The following JPH1 variants were observed in gnomAD, a reference collection of about 807,000 sequenced individuals.
The protein encoded by JPH1 is junctophilin-1.
In JPH1, 12 loss-of-function variants were observed where a neutral mutation model predicts 53.6. The observed-to-expected ratio is 0.22, with a 90% CI of 0.14 to 0.36. The LOEUF (loss-of-function observed/expected upper bound fraction) is 0.36, where lower values mean the gene tolerates loss of function less well. Among genes scored for constraint, JPH1 ranks in the 10% least tolerant of loss-of-function variants. The pLI, the probability that JPH1 is intolerant of heterozygous loss-of-function variation, is 1.00. For missense variants in JPH1, 808 were observed against 905.5 expected, an observed-to-expected ratio of 0.89 and a Z score of 1.38; for synonymous variants, 375 against 363.8, an observed-to-expected ratio of 1.03 and a Z score of -0.35.
intron 2 of JPH1, among the ~76,000 whole-genome samples, chr8:74,278,979 G>GCA (rs1563408615): frequency 3.8e-5 from 5 of 131,574 alleles, no homozygotes; most frequent in African/African-American, 1.5e-4. Context: ...AAACACACAC[G>GCA]CACACGCGCG....
intron 2 of JPH1, among the ~76,000 whole-genome samples, chr8:74,307,802 A>G (rs1326620943): frequency 6.6e-6 from 1 of 152,236 alleles, no homozygotes; most frequent in African/African-American, 2.4e-5. Flanking sequence ...GCTTATAAAC[A>G]GCTTTGACTT....
At chr8:74,244,137 T>G (rs1805779538) in intron 4 of JPH1, among the ~76,000 whole-genome samples, 1 of 152,186 alleles carries the variant, frequency 6.6e-6, no homozygotes, top group African/African-American at 2.4e-5. Flanking sequence ...GTTGGTGCCC[T>G]TTTCCTAGAG....
intron 2 of JPH1, among the ~76,000 whole-genome samples, chr8:74,310,639 A>C (rs1398629540): frequency 2.6e-5 from 4 of 152,316 alleles, no homozygotes; most frequent in African/African-American, 9.6e-5. Context: ...GGGGAGCAAC[A>C]CAACTCCCTC....
intron 2 of JPH1, among the ~76,000 whole-genome samples, chr8:74,279,320 G>A (rs1806942397): frequency 6.6e-6 from 1 of 152,210 alleles, no homozygotes; most frequent in Non-Finnish European, 1.5e-5. Flanking sequence ...CTAGGCTTAA[G>A]GTTTGAAAAT....
At chr8:74,293,140 T>C (rs1345487480) in intron 2 of JPH1, among the ~76,000 whole-genome samples, 1 of 152,162 alleles carries the variant, frequency 6.6e-6, no homozygotes, top group African/African-American at 2.4e-5. Flanking sequence ...TGTACAGCTA[T>C]CTTTCTCAGA....
At chr8:74,275,622 C>T (rs374443201) in intron 2 of JPH1, among the ~76,000 whole-genome samples, 2 of 152,130 alleles carry the variant, frequency 1.3e-5, no homozygotes, top group Non-Finnish European at 2.9e-5. Flanking sequence ...GCTCTTTCAC[C>T]GTAACTATGC....
chr8:74,274,675 A>G (rs182948674), intron 2 of JPH1, among the ~76,000 whole-genome samples: 6 of 152,332 alleles, frequency 3.9e-5, no homozygotes, highest in Admixed American at 3.3e-4. Flanking sequence ...ATTACATAAA[A>G]TGTACAAAAC....
intron 2 of JPH1, among the ~76,000 whole-genome samples, chr8:74,262,322 C>T (rs886619281): frequency 1.3e-5 from 2 of 152,200 alleles, no homozygotes; most frequent in African/African-American, 4.8e-5. Context: ...TTAGTGAATT[C>T]ATGTGATCAC....
At chr8:74,239,750 T>C (rs967905637) in intron 4 of JPH1, among the ~76,000 whole-genome samples, 1 of 152,194 alleles carries the variant, frequency 6.6e-6, no homozygotes, top group Admixed American at 6.5e-5. Context: ...GAATACAAAA[T>C]TCTAAAATGC....
intron 2 of JPH1, among the ~76,000 whole-genome samples, chr8:74,291,901 T>C (rs1807338261): frequency 6.6e-6 from 1 of 152,154 alleles, no homozygotes; most frequent in African/African-American, 2.4e-5. Context: ...CTGGAAACCA[T>C]CATTCTCAGC....
chr8:74,278,941 GAAGC>G (rs899068096), intron 2 of JPH1, among the ~76,000 whole-genome samples: 30 of 151,958 alleles, frequency 2.0e-4, no homozygotes, highest in African/African-American at 5.3e-4. Flanking sequence ...TGTAAATTAT[GAAGC>G]AAGACAGACA....
chr8:74,265,974 C>G (rs768797199), intron 2 of JPH1, among the ~76,000 whole-genome samples: 14 of 150,672 alleles, frequency 9.3e-5, no homozygotes, highest in Non-Finnish European at 1.6e-4. Context: ...GAATAACAAG[C>G]GTTAGCAAGG....
chr8:74,274,111 C>G (rs181312457), intron 2 of JPH1, among the ~76,000 whole-genome samples: 9 of 152,284 alleles, frequency 5.9e-5, no homozygotes, highest in Admixed American at 1.3e-4. Flanking sequence ...TTGACATAAT[C>G]CAATTGTGCT....
chr8:74,298,038 G>A (rs978472345), intron 2 of JPH1, among the ~76,000 whole-genome samples: 2 of 152,110 alleles, frequency 1.3e-5, no homozygotes, highest in Non-Finnish European at 2.9e-5. Flanking sequence ...CTCTATTCCA[G>A]CCCCCTCTAC....
intron 3 of JPH1, among the ~76,000 whole-genome samples, chr8:74,253,839 C>T (rs1317908535): frequency 2.0e-5 from 3 of 152,018 alleles, no homozygotes; most frequent in Non-Finnish European, 4.4e-5. Flanking sequence ...CAAGACTAAA[C>T]CAGGAAGAAG....
chr8:74,292,139 C>T (rs969209202), intron 2 of JPH1, among the ~76,000 whole-genome samples: 3 of 152,024 alleles, frequency 2.0e-5, no homozygotes, highest in South Asian at 4.2e-4. Context: ...CAAACCTGCA[C>T]GTTGTGCACA....
chr8:74,278,989 GCA>G (rs71269980), intron 2 of JPH1, among the ~76,000 whole-genome samples: 15,247 of 150,720 alleles, frequency 0.1, 2,053 homozygotes, highest in African/African-American at 0.31. Context: ...GCACACGCGC[GCA>G]CACACACACA....
intron 2 of JPH1, among the ~76,000 whole-genome samples, chr8:74,260,666 C>A (rs1332640755): frequency 6.6e-6 from 1 of 152,102 alleles, no homozygotes; most frequent in Non-Finnish European, 1.5e-5. Context: ...AACACACGGG[C>A]AGCAGCTGGA....
intron 3 of JPH1, among the ~76,000 whole-genome samples, chr8:74,256,691 G>T (rs1174598461): frequency 6.6e-6 from 1 of 151,978 alleles, no homozygotes; most frequent in Non-Finnish European, 1.5e-5. Context: ...AGAGAAATGC[G>T]AATCAAAACC....
Sources: allele counts gnomAD v4.1 joint callset (sites outside exome capture counted in the v4.1 genomes callset), GRCh38; gene constraint gnomAD v4.1.1; transcripts MANE v1.5; gene names NCBI Gene and HGNC (gene_info 2026-07-23, HGNC 2026-07-21).